DOCK3: variants seen among roughly 807,000 people sequenced by gnomAD.
The protein encoded by DOCK3 is dedicator of cytokinesis 3.
Under a neutral mutation model 265.6 loss-of-function variants are expected in DOCK3, and 60 were observed. The ratio of observed to expected loss-of-function variants is 0.23; its 90% CI spans 0.18 to 0.28. The LOEUF (loss-of-function observed/expected upper bound fraction) is 0.28. Among genes scored for constraint, DOCK3 ranks in the 10% least tolerant of loss-of-function variants. The pLI is 1.00. For missense variants in DOCK3, 1,981 were observed against 2,594.3 expected, an observed-to-expected ratio of 0.76 and a Z score of 5.14; for synonymous variants, 881 against 938.0, an observed-to-expected ratio of 0.94 and a Z score of 1.11.
intron 2 of DOCK3, among the ~76,000 whole-genome samples, chr3:50,835,754 G>T (rs924553370): frequency 6.6e-6 from 1 of 152,146 alleles, no homozygotes; most frequent in Non-Finnish European, 1.5e-5. Flanking sequence ...GCAGATTCTG[G>T]ATCTTCAAAA....
chr3:51,334,219 A>G (rs4468966), intron 35 of DOCK3, among the ~76,000 whole-genome samples: 12,565 of 152,230 alleles, frequency 0.083, 1,161 homozygotes, highest in East Asian at 0.34. Flanking sequence ...AAACATGACA[A>G]TGAAGCCACA....
At chr3:51,307,861 G>A (rs1471940356) in intron 27 of DOCK3, among the ~76,000 whole-genome samples, 1 of 150,486 alleles carries the variant, frequency 6.6e-6, no homozygotes, top group Non-Finnish European at 1.5e-5. Context: ...CATGCAGCTG[G>A]GATGTTAAAT....
intron 1 of DOCK3, among the ~76,000 whole-genome samples, chr3:50,757,609 CA>C (rs1257028828): frequency 3.3e-5 from 5 of 151,302 alleles, no homozygotes; most frequent in African/African-American, 7.3e-5. Flanking sequence ...CTTTGTAGTG[CA>C]AAAGTTTTAA....
At chr3:51,252,402 G>C (rs2079301392) in intron 22 of DOCK3, among the ~76,000 whole-genome samples, 1 of 152,196 alleles carries the variant, frequency 6.6e-6, no homozygotes, top group African/African-American at 2.4e-5. Flanking sequence ...TGTGAACAAA[G>C]TCATTGGTGG....
At chr3:50,774,296 A>G (rs186170003) in intron 1 of DOCK3, among the ~76,000 whole-genome samples, 3 of 152,116 alleles carry the variant, frequency 2.0e-5, no homozygotes, top group African/African-American at 7.2e-5. Context: ...AGAGAATGTA[A>G]TGATTAATTT....
intron 48 of DOCK3, 75 bp downstream of exon 48, chr3:51,362,072 C>T: frequency 6.7e-7 from 1 of 1,499,942 alleles, no homozygotes; most frequent in Non-Finnish European, 8.9e-7. Flanking sequence ...AATGTCTAGT[C>T]TGAGGGCTTG....
At chr3:51,267,385 C>CTTTT (rs111513994) in intron 23 of DOCK3, among the ~76,000 whole-genome samples, 5 of 136,678 alleles carry the variant, frequency 3.7e-5, no homozygotes, top group African/African-American at 1.3e-4. Flanking sequence ...TTTTTTCTTT[C>CTTTT]TTTTTTTTTT....
chr3:50,807,673 T>C (rs1453532282), intron 2 of DOCK3, among the ~76,000 whole-genome samples: 1 of 152,234 alleles, frequency 6.6e-6, no homozygotes, highest in Non-Finnish European at 1.5e-5. Context: ...TATGATTTTA[T>C]GTGTAAAATG....
At chr3:50,922,250 C>T (rs568616636) in intron 4 of DOCK3, among the ~76,000 whole-genome samples, 1 of 152,260 alleles carries the variant, frequency 6.6e-6, no homozygotes, top group Non-Finnish European at 1.5e-5. Context: ...CAAGCCTCAG[C>T]AATGGCAGAC....
intron 5 of DOCK3, among the ~76,000 whole-genome samples, chr3:51,011,646 G>T (rs927589327): frequency 6.6e-6 from 1 of 152,280 alleles, no homozygotes; most frequent in South Asian, 2.1e-4. Context: ...TCTCTATCCA[G>T]CTTTGTTGCA....
At chr3:51,090,632 C>T (rs1172002225) in intron 9 of DOCK3, among the ~76,000 whole-genome samples, 1 of 152,132 alleles carries the variant, frequency 6.6e-6, no homozygotes, top group East Asian at 1.9e-4. Flanking sequence ...TGGCTATCAC[C>T]ACCTCACAGA....
At chr3:51,115,146 T>C (rs1177831539) in intron 9 of DOCK3, among the ~76,000 whole-genome samples, 3 of 152,204 alleles carry the variant, frequency 2.0e-5, no homozygotes, top group Non-Finnish European at 4.4e-5. Flanking sequence ...TTATAATCCT[T>C]AGGGTATATA....
At chr3:50,939,245 C>T (rs939336022) in intron 5 of DOCK3, among the ~76,000 whole-genome samples, 17 of 151,928 alleles carry the variant, frequency 1.1e-4, no homozygotes, top group African/African-American at 3.9e-4. Context: ...ATCTGAAAAT[C>T]CTGCAACTGT....
At chr3:51,185,192 G>A (rs756061397) in intron 12 of DOCK3, among the ~76,000 whole-genome samples, 2 of 152,124 alleles carry the variant, frequency 1.3e-5, no homozygotes, top group Non-Finnish European at 2.9e-5. Flanking sequence ...TTTGAATAAA[G>A]TATGGACTTA....
chr3:51,130,565 T>C (rs1433279694), intron 9 of DOCK3, among the ~76,000 whole-genome samples: 1 of 152,188 alleles, frequency 6.6e-6, no homozygotes, highest in African/African-American at 2.4e-5. Flanking sequence ...TTCTTCAAGA[T>C]CCATCTGTCT....
At chr3:51,193,058 G>T (rs966528786) in intron 12 of DOCK3, among the ~76,000 whole-genome samples, 2 of 152,096 alleles carry the variant, frequency 1.3e-5, no homozygotes, top group African/African-American at 2.4e-5. Flanking sequence ...TGGGTTTGTT[G>T]TATGTGGCCT....
intron 1 of DOCK3, among the ~76,000 whole-genome samples, chr3:50,695,349 C>G (rs980685453): frequency 7.9e-5 from 12 of 152,234 alleles, no homozygotes; most frequent in African/African-American, 2.9e-4. Context: ...ATCAACTTAG[C>G]TAGTGATTTT....
At chr3:50,827,978 C>G (rs1420498197) in intron 2 of DOCK3, among the ~76,000 whole-genome samples, 2 of 149,284 alleles carry the variant, frequency 1.3e-5, no homozygotes, top group African/African-American at 4.9e-5. Context: ...TGGAGTCTTG[C>G]TCTGTCCCCT....
intron 12 of DOCK3, among the ~76,000 whole-genome samples, chr3:51,168,279 G>T (rs2086502843): frequency 6.6e-6 from 1 of 152,160 alleles, no homozygotes; most frequent in Non-Finnish European, 1.5e-5. Flanking sequence ...AGCCCGAATG[G>T]CTAAGGCAAT....
Sources: allele counts gnomAD v4.1 joint callset (sites outside exome capture counted in the v4.1 genomes callset), GRCh38; gene constraint gnomAD v4.1.1; transcripts MANE v1.5; gene names NCBI Gene and HGNC (gene_info 2026-07-23, HGNC 2026-07-21).